Variants in LAMC1 observed in about 807,000 individuals in gnomAD.
The protein encoded by LAMC1 is laminin subunit gamma-1.
LAMC1 carries 38 observed loss-of-function variants against 173.6 expected under a neutral mutation model. The observed-to-expected ratio is 0.22, with a 90% CI of 0.17 to 0.29. The LOEUF is 0.29. LAMC1 is among the 10% of genes least tolerant of loss of function. The probability of loss-of-function intolerance (pLI) is 1.00; values close to 1 mark genes in which losing one functional copy is unlikely to be tolerated. For missense variants in LAMC1, 1,824 were observed against 2,051.8 expected (o/e 0.89, Z 2.14); for synonymous variants, 746 against 749.1 (o/e 1.00, Z 0.07).
intron 26 of LAMC1, among the ~76,000 whole-genome samples, chr1:183,138,733 C>G (rs949354403): frequency 6.6e-6 from 1 of 152,028 alleles, no homozygotes; most frequent in East Asian, 1.9e-4. Flanking sequence ...CTGATTTTCT[C>G]CGTTATGGTG....
chr1:183,131,190 A>AT, intron 19 of LAMC1, 109 bp from the exon 20 acceptor site: 8 of 686,408 alleles, frequency 1.2e-5, no homozygotes, highest in East Asian at 2.7e-5. Context: ...AAAAAAAAAA[A>AT]GGTAGAGGCA....
At position 183,023,926 on chromosome 1, in the gene LAMC1, G is replaced by T; in HGVS notation, c.210G>T (p.Gly70=). The T allele has an allele frequency of 6.2e-7, 1 of 1,613,206 alleles. No individual in the cohort carries two copies. Among genetic ancestry groups the T allele is most frequent in the South Asian group, 1.1e-5 (1 of 91,058 alleles). ...CTGTGGTGGCCACCAACACGTGTGG[G>T]ACTCCGCCCGAGGAATACTGTGTGC... ...NVTVVATNTC[G]TPPEEYCVQT... is the part of the protein sequence containing the mutation. Residue 70 remains glycine, a synonymous_variant, in exon 1 of 28, where the codon GGG becomes GGT. Transcript: ENST00000258341.
At chr1:183,068,463 A>G (rs1654931347) in intron 1 of LAMC1, among the ~76,000 whole-genome samples, 1 of 152,222 alleles carries the variant, frequency 6.6e-6, no homozygotes, top group Non-Finnish European at 1.5e-5. Context: ...TGTTCTTCAA[A>G]TTAGTTAAGA....
At chr1:183,121,569 C>T (rs1008819773) in intron 11 of LAMC1, among the ~76,000 whole-genome samples, 154 bp from the exon 12 acceptor site, 3 of 151,950 alleles carry the variant, frequency 2.0e-5, no homozygotes, top group Admixed American at 6.6e-5. Context: ...AGGGTGTAGA[C>T]GTGGATATCT....
chr1:183,041,484 G>A (rs973890254), intron 1 of LAMC1, among the ~76,000 whole-genome samples: 4 of 151,888 alleles, frequency 2.6e-5, no homozygotes, highest in Non-Finnish European at 4.4e-5. Context: ...ATGTTTATAC[G>A]TCCACTCACT....
Position 183,024,145 on chromosome 1 carries a change from A to G in LAMC1, c.418+11A>G. ...TCACGCTGCACCTGGGTAAGCGGTG[A>G]CAGCCCCGTCCCCTGCTACTGCTCG... is the stretch of plus-strand genomic sequence containing the variant. On this transcript the variant is annotated intron_variant, in intron 1 of 27. Coordinates refer to ENST00000258341, the MANE Select transcript of LAMC1 (RefSeq NM_002293.4). The G allele has an allele frequency of 1.3e-6, 2 of 1,549,386 alleles. No individual in the cohort carries two copies. Among genetic ancestry groups the G allele is most frequent in the Non-Finnish European group, 1.7e-6 (2 of 1,145,830 alleles).
chr1:183,120,970 T>G (rs1414778055), intron 11 of LAMC1, among the ~76,000 whole-genome samples: 7 of 152,204 alleles, frequency 4.6e-5, no homozygotes, highest in African/African-American at 1.2e-4. Flanking sequence ...ATGAAAACAC[T>G]CCTTAATGGC....
intron 4 of LAMC1, among the ~76,000 whole-genome samples, chr1:183,114,068 TTTTG>T (rs1425073403): frequency 4.6e-5 from 7 of 152,098 alleles, no homozygotes; most frequent in Admixed American, 2.6e-4. Context: ...GGTGGTGGTT[TTTTG>T]TTTGTTTGTT....
intron 1 of LAMC1, among the ~76,000 whole-genome samples, chr1:183,077,476 T>C (rs933543478): frequency 6.6e-5 from 10 of 152,068 alleles, no homozygotes; most frequent in South Asian, 2.1e-4. Context: ...ATAAGTTCTT[T>C]AGTGGTGATT....
At chr1:183,135,619 G>A (rs1359627376) in intron 24 of LAMC1, among the ~76,000 whole-genome samples, 2 of 152,044 alleles carry the variant, frequency 1.3e-5, no homozygotes, top group South Asian at 2.1e-4. Context: ...GGCCAGGCAC[G>A]GTGGCCTGTA....
At position 183,072,034 on chromosome 1, in the gene LAMC1, T is replaced by C. The variant is rs539652727; in HGVS notation, c.419-31294T>C. 1.6e-4 allele frequency among the ~76,000 whole-genome samples: 24 copies of C among 152,352 alleles called. No homozygotes were observed. The East Asian group carries it at 4.4e-3, about 28-fold the overall frequency. On this transcript the variant is annotated intron_variant, in intron 1 of 27. Coordinates refer to ENST00000258341, the MANE Select transcript of LAMC1 (RefSeq NM_002293.4). The stretch of plus-strand genomic sequence containing the variant: ...AGTAGAAGCTAATTGGTCCTAGTCA[T>C]GGTTCACATATCTGGGTGAACATGG...
At chr1:183,118,763 A>G (rs771034016) in intron 11 of LAMC1, among the ~76,000 whole-genome samples, 7 of 152,072 alleles carry the variant, frequency 4.6e-5, no homozygotes, top group Admixed American at 1.3e-4. Flanking sequence ...TACTGGCTCA[A>G]GTTGCCTCAT....
Position 183,071,098 on chromosome 1 carries a change from T to G in LAMC1, c.419-32230T>G, listed in dbSNP as rs114080166. ...CTGGGTTTTTTTTGTTTTTGTTTTT[T>G]TTTTTTTGAGTCCCATTAAAGACTG... On this transcript the variant is annotated intron_variant, in intron 1 of 27. Transcript: ENST00000258341. Among the ~76,000 whole-genome samples the G allele has an allele frequency of 1.7e-3, 259 of 151,994 alleles. 2 individuals carry two copies. The highest frequency in any genetic ancestry group is 4.0e-3 in the African/African-American group (166 of 41,450).
At chr1:183,064,154 A>G (rs1030742366) in intron 1 of LAMC1, among the ~76,000 whole-genome samples, 1 of 152,204 alleles carries the variant, frequency 6.6e-6, no homozygotes, top group African/African-American at 2.4e-5. Context: ...GGAGCATGGT[A>G]CAGGGCAGTA....
chr1:183,101,130 C>T (rs1381449454), intron 1 of LAMC1, among the ~76,000 whole-genome samples: 1 of 151,932 alleles, frequency 6.6e-6, no homozygotes, highest in African/African-American at 2.4e-5. Context: ...TGCTAAAGAA[C>T]AATGAGATAT....
At chr1:183,079,324 A>T (rs1485426181) in intron 1 of LAMC1, among the ~76,000 whole-genome samples, 11 of 129,910 alleles carry the variant, frequency 8.5e-5, no homozygotes, top group African/African-American at 3.2e-4. Flanking sequence ...GTGTGATCTC[A>T]GCTCACTGCA....
Position 183,121,705 on chromosome 1 carries a change from T to C in LAMC1, c.1991-18T>C. On this transcript the variant is annotated intron_variant, in intron 11 of 27. Transcript: ENST00000258341. ...AAACAAGCCAGTTCAGTGATTTTCTTTTCCTCACTATACACAGGTGCTGGA... is the reference window on the plus strand; with the variant it reads ...AAACAAGCCAGTTCAGTGATTTTCTCTTCCTCACTATACACAGGTGCTGGA... The C allele has an allele frequency of 6.3e-7, 1 of 1,596,028 alleles. No homozygotes were observed. The highest frequency in any genetic ancestry group is 8.6e-7 in the Non-Finnish European group (1 of 1,168,544).
At chr1:183,057,079 G>C (rs1448829521) in intron 1 of LAMC1, among the ~76,000 whole-genome samples, 1 of 152,182 alleles carries the variant, frequency 6.6e-6, no homozygotes, top group East Asian at 1.9e-4. Context: ...CTGTTAAAAA[G>C]CTGTAAGGAT....
chr1:183,039,814 TG>T (rs1245549205), intron 1 of LAMC1, among the ~76,000 whole-genome samples: 1 of 152,254 alleles, frequency 6.6e-6, no homozygotes, highest in African/African-American at 2.4e-5. Flanking sequence ...ATTTGTTTTC[TG>T]TGCTGTCTTT....
Sources: gnomAD v4.1 joint callset for allele counts (sites outside exome capture counted in the v4.1 genomes callset) on GRCh38, gnomAD v4.1.1 for gene constraint, MANE v1.5 for transcripts, NCBI Gene and HGNC (gene_info 2026-07-23, HGNC 2026-07-21) for gene names.